The following MAML3 variants were observed in gnomAD, a reference collection of about 807,000 sequenced individuals.
MAML3 encodes the protein mastermind like transcriptional coactivator 3.
A neutral mutation model predicts 101.9 loss-of-function variants in MAML3; 27 were observed. The observed-to-expected ratio is 0.27, with a 90% CI of 0.20 to 0.37. The LOEUF (loss-of-function observed/expected upper bound fraction) is 0.37. MAML3 is among the 10% of genes least tolerant of loss of function. The pLI is 1.00. For missense variants in MAML3, 1,316 were observed against 1,444.9 expected, an observed-to-expected ratio of 0.91 and a Z score of 1.45; for synonymous variants, 501 against 555.9, an observed-to-expected ratio of 0.90 and a Z score of 1.39.
chr4:139,971,890 G>A (rs934135109), intron 1 of MAML3, among the ~76,000 whole-genome samples: 5 of 152,178 alleles, frequency 3.3e-5, no homozygotes, highest in African/African-American at 4.8e-5. Context: ...GAGATTGGGA[G>A]GATCAGCAGT....
At chr4:139,778,847 GTGGCAGGCAC>G (rs982928135) in intron 2 of MAML3, among the ~76,000 whole-genome samples, 4 of 152,042 alleles carry the variant, frequency 2.6e-5, no homozygotes, top group African/African-American at 9.7e-5. Context: ...GCTGGGTGTG[GTGGCAGGCAC>G]CTGTAGTCCC....
intron 2 of MAML3, among the ~76,000 whole-genome samples, chr4:139,863,307 C>T (rs2111167802): frequency 1.3e-5 from 2 of 148,366 alleles, no homozygotes; most frequent in East Asian, 2.0e-4. Flanking sequence ...TGTGAGATTT[C>T]TGATTTCTGG....
chr4:139,994,038 G>T (rs1438357245), intron 1 of MAML3, among the ~76,000 whole-genome samples: 1 of 152,028 alleles, frequency 6.6e-6, no homozygotes, highest in Admixed American at 6.6e-5. Flanking sequence ...GTGACATGGG[G>T]GTCTACTTTT....
At chr4:139,872,332 C>T (rs1388624380) in intron 2 of MAML3, among the ~76,000 whole-genome samples, 1 of 152,144 alleles carries the variant, frequency 6.6e-6, no homozygotes, top group Non-Finnish European at 1.5e-5. Context: ...TGCAATTGGT[C>T]TTCAATAAAT....
In MAML3 at chr4:140,153,393, T is replaced by C. The variant is rs1729213634; in HGVS notation, c.-66A>G. ...TCCACCCCCCTATCAGCCTCCTCCT[T>C]GGGTCCAAGGATTAAAATAGTTTAA... On this transcript the variant is annotated 5_prime_UTR_variant, in exon 1 of 5. Transcript: ENST00000509479. 1 of 1,453,334 alleles carries C rather than the reference T, an allele frequency of 6.9e-7. No individual in the cohort carries two copies. Among genetic ancestry groups the C allele is most frequent in the Non-Finnish European group, 9.1e-7 (1 of 1,101,564 alleles). The allele number at this position is 1,453,334 out of a possible 1,614,324, so 90.0% of individuals were successfully genotyped here. A position where few individuals can be genotyped will look rare whatever the true frequency, so the allele number is the denominator to read the frequency against.
chr4:139,864,811 C>T (rs544500561), intron 2 of MAML3, among the ~76,000 whole-genome samples: 9 of 149,992 alleles, frequency 6.0e-5, no homozygotes, highest in Middle Eastern at 3.5e-3. Flanking sequence ...GACAATGTTA[C>T]GCAGAATTAT....
intron 1 of MAML3, among the ~76,000 whole-genome samples, chr4:140,059,415 A>G (rs948685135): frequency 6.6e-6 from 1 of 152,200 alleles, no homozygotes; most frequent in Non-Finnish European, 1.5e-5. Flanking sequence ...TTATGGATGG[A>G]AAAGTTTCAA....
At chr4:140,136,258 AGT>A (rs1728881305) in intron 1 of MAML3, among the ~76,000 whole-genome samples, 1 of 152,152 alleles carries the variant, frequency 6.6e-6, no homozygotes, top group Admixed American at 6.5e-5. Flanking sequence ...TTGACTGTGA[AGT>A]GTCTGCACAT....
Position 139,719,972 on chromosome 4 carries a change from G to A in MAML3, c.2768C>T (p.Ser923Leu). ...SGFGQSMLVN[S>L]AITQQHPQMK... ...CTGTGGATGTTGCTGGGTAATGGCT[G>A]AGTTCACCAGCATGCTCTGACCAAA... Residue 923 changes from serine to leucine, a missense_variant, in exon 5 of 5, where the codon TCA (serine) becomes TTA (leucine). By Grantham distance (145) the Ser-to-Leu change is moderately radical. Coordinates refer to ENST00000509479, the MANE Select transcript of MAML3 (RefSeq NM_018717.5). 1 of 1,614,088 alleles carries A rather than the reference G, an allele frequency of 6.2e-7. No homozygotes were observed. The highest frequency in any genetic ancestry group is 1.7e-5 in the Admixed American group (1 of 60,028).
intron 2 of MAML3, among the ~76,000 whole-genome samples, chr4:139,781,270 T>C (rs1297150639): frequency 6.6e-6 from 1 of 152,158 alleles, no homozygotes; most frequent in Non-Finnish European, 1.5e-5. Context: ...ATTTGGATCA[T>C]AATTTATGCT....
chr4:139,922,914 A>G (rs1733154136), intron 1 of MAML3, among the ~76,000 whole-genome samples: 1 of 152,190 alleles, frequency 6.6e-6, no homozygotes, highest in Non-Finnish European at 1.5e-5. Context: ...GTGTAAGGAT[A>G]GAGCTGTTCC....
chr4:140,152,767 C>T (rs1430822527), intron 1 of MAML3, 93 bp downstream of exon 1: 4 of 1,530,138 alleles, frequency 2.6e-6, no homozygotes, highest in Admixed American at 2.0e-5. Context: ...GCAAATCAGA[C>T]CCTTGTACCC....
intron 2 of MAML3, among the ~76,000 whole-genome samples, chr4:139,754,020 C>G (rs1396952472): frequency 1.3e-5 from 2 of 152,208 alleles, no homozygotes; most frequent in African/African-American, 4.8e-5. Flanking sequence ...ATACTACCTA[C>G]TATGCACATG....
At chr4:140,117,540 A>T (rs1412096294) in intron 1 of MAML3, among the ~76,000 whole-genome samples, 1 of 152,078 alleles carries the variant, frequency 6.6e-6, no homozygotes, top group African/African-American at 2.4e-5. Flanking sequence ...ATACTGCAAA[A>T]TATTGCAGTG....
At chr4:139,998,515 T>C (rs1193467743) in intron 1 of MAML3, among the ~76,000 whole-genome samples, 1 of 152,264 alleles carries the variant, frequency 6.6e-6, no homozygotes, top group Non-Finnish European at 1.5e-5. Context: ...ATACTTGTTT[T>C]ATACATAATG....
chr4:139,848,673 A>G (rs569764123), intron 2 of MAML3, among the ~76,000 whole-genome samples: 42 of 152,350 alleles, frequency 2.8e-4, no homozygotes, highest in Middle Eastern at 3.4e-3. Flanking sequence ...AATTCTTGAG[A>G]GATATGCACT....
At chr4:140,117,985 C>T (rs929814763) in intron 1 of MAML3, among the ~76,000 whole-genome samples, 1 of 151,492 alleles carries the variant, frequency 6.6e-6, no homozygotes, top group Admixed American at 6.6e-5. Context: ...TGCAAATACA[C>T]AAAAGAAATA....
chr4:139,951,869 C>T (rs984003322), intron 1 of MAML3, among the ~76,000 whole-genome samples: 2 of 151,748 alleles, frequency 1.3e-5, no homozygotes, highest in Non-Finnish European at 2.9e-5. Flanking sequence ...TTAAAGCTTA[C>T]GAAGGGCTAT....
intron 1 of MAML3, among the ~76,000 whole-genome samples, chr4:139,939,689 C>T (rs1341574960): frequency 1.3e-5 from 2 of 152,034 alleles, no homozygotes; most frequent in African/African-American, 2.4e-5. Context: ...TCCGTGAGGG[C>T]CGGGATACCT....
Sources: gnomAD v4.1 joint callset for allele counts (sites outside exome capture counted in the v4.1 genomes callset) on GRCh38, gnomAD v4.1.1 for gene constraint, MANE v1.5 for transcripts, NCBI Gene and HGNC (gene_info 2026-07-23, HGNC 2026-07-21) for gene names.